TNN: variants seen among roughly 807,000 people sequenced by gnomAD.
The protein encoded by TNN is tenascin N.
In TNN, 122 loss-of-function variants were observed where a neutral mutation model predicts 134.4. The observed-to-expected ratio is 0.91, with a 90% confidence interval of 0.78 to 1.06. TNN has a LOEUF of 1.06. Ranked by LOEUF, TNN falls within the 50% of genes least tolerant of loss-of-function variation. The pLI is 0.00. For missense variants in TNN, 1,739 were observed against 1,699.4 expected, an observed-to-expected ratio of 1.02 and a Z score of -0.41; for synonymous variants, 710 against 670.3, an observed-to-expected ratio of 1.06 and a Z score of -0.91.
chr1:175,086,423 C>T (rs924691808), intron 6 of TNN, among the ~76,000 whole-genome samples: 1 of 152,200 alleles, frequency 6.6e-6, no homozygotes, highest in Non-Finnish European at 1.5e-5. Context: ...TTAAACCATG[C>T]TTGAGCCCAT....
At chr1:175,082,714 A>G (rs1399571506) in intron 4 of TNN, among the ~76,000 whole-genome samples, 1 of 152,126 alleles carries the variant, frequency 6.6e-6, no homozygotes, top group Non-Finnish European at 1.5e-5. Flanking sequence ...TCGATCCTTC[A>G]TCATCCGTCA....
intron 11 of TNN, among the ~76,000 whole-genome samples, chr1:175,122,115 G>C (rs1319769038): frequency 6.6e-6 from 1 of 151,976 alleles, no homozygotes; most frequent in Non-Finnish European, 1.5e-5. Context: ...TTTGGGACAG[G>C]TGCAGTGACT....
intron 1 of TNN, among the ~76,000 whole-genome samples, chr1:175,077,102 G>A (rs1485029647): frequency 6.6e-6 from 1 of 152,204 alleles, no homozygotes; most frequent in Admixed American, 6.5e-5. Context: ...CAACACAAGA[G>A]AGCTGCTCTT....
At position 175,147,155 on chromosome 1, in the gene TNN, G is replaced by A; in HGVS notation, c.*84G>A. 2 of 1,301,040 alleles carry A rather than the reference G, an allele frequency of 1.5e-6. No homozygotes were observed. The highest frequency in any genetic ancestry group is 2.0e-6 in the Non-Finnish European group (2 of 988,774). The allele number at this position is 1,301,040 out of a possible 1,614,324, so 80.6% of individuals were successfully genotyped here. ...GTGGGTAGTGGTCACTGCGGTCTGG[G>A]AGTGCTCAGATAGCCCGCAGAACAA... On this transcript the variant is annotated 3_prime_UTR_variant, in exon 19 of 19. Coordinates refer to ENST00000239462, the MANE Select transcript of TNN (RefSeq NM_022093.2).
intron 9 of TNN, among the ~76,000 whole-genome samples, chr1:175,109,648 G>T (rs1384762304): frequency 6.7e-6 from 1 of 149,592 alleles, no homozygotes; most frequent in Non-Finnish European, 1.5e-5. Flanking sequence ...GTATTCTGTT[G>T]TGTATGTATA....
chr1:175,136,919 G>T lies in TNN; in HGVS notation c.3526G>T (p.Asp1176Tyr). The change falls in exon 17 of 19, where the codon GAT becomes TAT. Residue 1176 changes from aspartate to tyrosine, a missense_variant. Asp to Tyr is a radical substitution (Grantham distance 160). Transcript: ENST00000239462. ...TANESAYAIY[D>Y]FFQVASSKER... ...CAATGAATCTGCCTATGCTATATAT[G>T]ATTTCTTCCAAGTGGCCTCCAGCAA... 3.7e-6 allele frequency: 6 copies of T among 1,614,188 alleles called. No homozygotes were observed. In the East Asian group the frequency reaches 1.1e-4, roughly 30 times the overall value.
At chr1:175,070,107 A>G (rs766950542) in intron 1 of TNN, among the ~76,000 whole-genome samples, 36 of 152,172 alleles carry the variant, frequency 2.4e-4, no homozygotes, top group Non-Finnish European at 4.1e-4. Context: ...GTTATTGTGC[A>G]TGAGCTTGGT....
intron 9 of TNN, among the ~76,000 whole-genome samples, chr1:175,111,592 C>T (rs1453312034): frequency 6.8e-6 from 1 of 146,172 alleles, no homozygotes; most frequent in Non-Finnish European, 1.5e-5. Context: ...TTTGGGAGTA[C>T]AATTTTTTTT....
intron 1 of TNN, among the ~76,000 whole-genome samples, chr1:175,076,556 G>A (rs899139398): frequency 2.6e-5 from 4 of 152,234 alleles, no homozygotes; most frequent in Non-Finnish European, 5.9e-5. Context: ...GGTAAGGCAG[G>A]GGGACAGGAG....
At chr1:175,109,666 A>G (rs927171322) in intron 9 of TNN, among the ~76,000 whole-genome samples, 1 of 148,632 alleles carries the variant, frequency 6.7e-6, no homozygotes, top group African/African-American at 2.5e-5. Context: ...ATATGTGTAT[A>G]TATATATTAT....
At chr1:175,136,673 A>G (rs921658985) in intron 16 of TNN, 148 bp from the exon 17 acceptor site, 2 of 708,632 alleles carry the variant, frequency 2.8e-6, no homozygotes, top group Non-Finnish European at 4.6e-6. Context: ...TGAGCCCCCA[A>G]AAGAGAAAGT....
chr1:175,116,591 A>G (rs1295731881), intron 9 of TNN, among the ~76,000 whole-genome samples: 1 of 152,246 alleles, frequency 6.6e-6, no homozygotes, highest in East Asian at 1.9e-4. Context: ...CCCAGCCAGG[A>G]ACAGCTGAAC....
chr1:175,095,924 T>C (rs564594329), intron 7 of TNN, among the ~76,000 whole-genome samples: 1 of 148,964 alleles, frequency 6.7e-6, no homozygotes, highest in South Asian at 2.1e-4. Flanking sequence ...TCCCTTTTCT[T>C]AGGCGGTGGT....
chr1:175,110,126 G>A (rs754799054), intron 9 of TNN, among the ~76,000 whole-genome samples: 6 of 152,014 alleles, frequency 3.9e-5, no homozygotes, highest in South Asian at 2.1e-4. Flanking sequence ...ACATTTTTTC[G>A]TAAATGTTTG....
intron 6 of TNN, among the ~76,000 whole-genome samples, chr1:175,087,882 G>A (rs4651307): frequency 0.064 from 9,777 of 152,278 alleles, 610 homozygotes; most frequent in African/African-American, 0.17. Context: ...ATTTGCTAGA[G>A]CAGCTCACAG....
At chr1:175,072,775 T>C (rs1673944739) in intron 1 of TNN, among the ~76,000 whole-genome samples, 1 of 152,032 alleles carries the variant, frequency 6.6e-6, no homozygotes. Context: ...CAGTAATTAA[T>C]GAGGACATCT....
intron 9 of TNN, among the ~76,000 whole-genome samples, chr1:175,108,813 C>G (rs1674935736): frequency 2.0e-5 from 3 of 146,434 alleles, no homozygotes; most frequent in Admixed American, 2.0e-4. Context: ...GCACCATGTG[C>G]AGCCCTGGTT....
chr1:175,121,700 TGG>T (rs1675380793), intron 11 of TNN, among the ~76,000 whole-genome samples: 2 of 91,138 alleles, frequency 2.2e-5, no homozygotes, highest in Admixed American at 2.3e-4. Flanking sequence ...TTTTGAGGTA[TGG>T]ATGATAATAC....
At chr1:175,126,389 C>T (rs755785136) in intron 12 of TNN, among the ~76,000 whole-genome samples, 3 of 152,136 alleles carry the variant, frequency 2.0e-5, no homozygotes, top group Non-Finnish European at 4.4e-5. Context: ...CATGAGCCAC[C>T]GTGCCTGGCC....
Sources: allele counts gnomAD v4.1 joint callset (sites outside exome capture counted in the v4.1 genomes callset), GRCh38; gene constraint gnomAD v4.1.1; transcripts MANE v1.5; gene names NCBI Gene and HGNC (gene_info 2026-07-23, HGNC 2026-07-21).